The following LRRIQ1 variants were observed in gnomAD, a reference collection of about 807,000 sequenced individuals.
LRRIQ1 encodes the protein leucine rich repeats and IQ motif containing 1.
LRRIQ1 carries 210 observed loss-of-function variants against 211.9 expected under a neutral mutation model. The observed-to-expected ratio is 0.99, with a 90% confidence interval of 0.89 to 1.11. The LOEUF (loss-of-function observed/expected upper bound fraction) is 1.11. Among genes scored for constraint, LRRIQ1 ranks in the 50% most tolerant of loss-of-function variants. The pLI is 0.00. For synonymous variants in LRRIQ1, 699 were observed against 650.1 expected, an observed-to-expected ratio of 1.08 and a Z score of -1.14; for missense variants, 2,136 against 1,939.5, an observed-to-expected ratio of 1.10 and a Z score of -1.90.
chr12:85,184,507 T>C (rs1300375738), intron 24 of LRRIQ1, among the ~76,000 whole-genome samples: 2 of 152,052 alleles, frequency 1.3e-5, no homozygotes, highest in East Asian at 1.9e-4. Flanking sequence ...ACTTTATTAA[T>C]ATTTATAACT....
intron 17 of LRRIQ1, 131 bp downstream of exon 17, chr12:85,124,650 T>C (rs901116018): frequency 1.4e-6 from 1 of 713,330 alleles, no homozygotes; most frequent in Non-Finnish European, 2.3e-6. Context: ...GATTCCATTA[T>C]GTTTTCGTGA....
At chr12:85,051,720 G>C (rs61205536) in intron 6 of LRRIQ1, among the ~76,000 whole-genome samples, 43 of 152,198 alleles carry the variant, frequency 2.8e-4, no homozygotes, top group African/African-American at 1.0e-3. Context: ...GTATTTTACT[G>C]ATCTGTTTAT....
intron 26 of LRRIQ1, among the ~76,000 whole-genome samples, chr12:85,243,201 G>GT (rs11397838): frequency 0.24 from 33,142 of 139,232 alleles, 9,684 homozygotes; most frequent in African/African-American, 0.69. Flanking sequence ...ACTTTTGACT[G>GT]TTTTTTTTTT....
rs545827091 is a variant in LRRIQ1, at chr12:85,197,849, A to G, written c.4823-31668A>G. Among the ~76,000 whole-genome samples, 584 of 137,184 alleles carry G rather than the reference A, an allele frequency of 4.3e-3. 3 individuals carry two copies. Among genetic ancestry groups the G allele is most frequent in the Middle Eastern group, 0.011 (3 of 272 alleles). 90.0% of individuals were successfully genotyped at this position (137,184 alleles called of 152,430 possible). On this transcript the variant is annotated intron_variant, in intron 24 of 26. Transcript: ENST00000393217. ...TAAAAAAATAAAAAATATTATATTT[A>G]TTATAAATATAATAAATATAATAAA...
chr12:85,196,164 A>G (rs1290318954), intron 24 of LRRIQ1, among the ~76,000 whole-genome samples: 1 of 152,154 alleles, frequency 6.6e-6, no homozygotes, highest in Non-Finnish European at 1.5e-5. Context: ...CCACTGCTCA[A>G]GGAAATAAAA....
chr12:85,039,547 A>G (rs953919766), intron 2 of LRRIQ1, among the ~76,000 whole-genome samples: 2 of 151,658 alleles, frequency 1.3e-5, no homozygotes, highest in African/African-American at 4.8e-5. Flanking sequence ...CTGTAGTACT[A>G]AAAGAAAGGT....
At chr12:85,107,865 A>G (rs190542141) in intron 15 of LRRIQ1, among the ~76,000 whole-genome samples, 20 of 152,168 alleles carry the variant, frequency 1.3e-4, no homozygotes, top group African/African-American at 3.9e-4. Flanking sequence ...TTTTTCCTCT[A>G]TATAAATTTG....
intron 3 of LRRIQ1, among the ~76,000 whole-genome samples, chr12:85,041,906 A>G (rs1051825910): frequency 6.6e-6 from 1 of 151,900 alleles, no homozygotes; most frequent in Non-Finnish European, 1.5e-5. Flanking sequence ...AGAGAAGCAT[A>G]TATTGGTGGA....
intron 24 of LRRIQ1, among the ~76,000 whole-genome samples, chr12:85,192,626 A>AT (rs1892606853): frequency 9.4e-6 from 1 of 105,894 alleles, no homozygotes; most frequent in Non-Finnish European, 1.7e-5. Flanking sequence ...CTATAATTAT[A>AT]AATAAATATA....
chr12:85,069,169 C>T (rs1278883543), intron 10 of LRRIQ1, among the ~76,000 whole-genome samples: 1 of 150,160 alleles, frequency 6.7e-6, no homozygotes, highest in Non-Finnish European at 1.5e-5. Context: ...CAATTCCCAC[C>T]TGTGAGTGAG....
intron 25 of LRRIQ1, among the ~76,000 whole-genome samples, chr12:85,231,199 A>G (rs1254826337): frequency 6.6e-6 from 1 of 152,228 alleles, no homozygotes; most frequent in Non-Finnish European, 1.5e-5. Flanking sequence ...CAGCAAGTCA[A>G]AATAGGTTTA....
At chr12:85,149,117 G>A (rs923078051) in intron 19 of LRRIQ1, among the ~76,000 whole-genome samples, 1 of 151,974 alleles carries the variant, frequency 6.6e-6, no homozygotes, top group African/African-American at 2.4e-5. Context: ...TCACTCTGAT[G>A]ATAGTTTCTT....
chr12:85,182,221 T>C (rs1892012710), intron 24 of LRRIQ1, among the ~76,000 whole-genome samples: 1 of 152,092 alleles, frequency 6.6e-6, no homozygotes, highest in African/African-American at 2.4e-5. Context: ...AATAGTCATG[T>C]TCAAAAAGGT....
chr12:85,094,155 CAG>C (rs1446239386), intron 11 of LRRIQ1, among the ~76,000 whole-genome samples: 2 of 152,158 alleles, frequency 1.3e-5, no homozygotes, highest in African/African-American at 2.4e-5. Context: ...CTTTGTGAAA[CAG>C]GGCTTTCTGG....
At chr12:85,079,763 G>C (rs1246452438) in intron 11 of LRRIQ1, among the ~76,000 whole-genome samples, 2 of 151,832 alleles carry the variant, frequency 1.3e-5, no homozygotes, top group African/African-American at 4.8e-5. Context: ...CATTCTGCCT[G>C]CTTTTTTCTT....
chr12:85,235,810 G>A (rs182252032), intron 26 of LRRIQ1, among the ~76,000 whole-genome samples: 3 of 152,130 alleles, frequency 2.0e-5, no homozygotes, highest in Non-Finnish European at 4.4e-5. Flanking sequence ...ATATTACAAT[G>A]GTTGTTGCAA....
intron 1 of LRRIQ1, among the ~76,000 whole-genome samples, chr12:85,250,973 ATATT>A (rs1895924969): frequency 8.4e-6 from 1 of 118,396 alleles, no homozygotes. Flanking sequence ...TATATTATAT[ATATT>A]ATAGATTATA....
chr12:85,054,184 C>T (rs1773223557), intron 7 of LRRIQ1, among the ~76,000 whole-genome samples: 1 of 152,060 alleles, frequency 6.6e-6, no homozygotes. Context: ...TAAGATATGA[C>T]AGTACATAAA....
intron 26 of LRRIQ1, among the ~76,000 whole-genome samples, chr12:85,242,297 A>G (rs2137261356): frequency 6.6e-6 from 1 of 152,064 alleles, no homozygotes; most frequent in Admixed American, 6.6e-5. Context: ...CCAACTCTGG[A>G]TTGAAAATAT....
Sources: allele counts gnomAD v4.1 joint callset (sites outside exome capture counted in the v4.1 genomes callset), GRCh38; gene constraint gnomAD v4.1.1; transcripts MANE v1.5; gene names NCBI Gene and HGNC (gene_info 2026-07-23, HGNC 2026-07-21).